Variants in RTL4 observed in about 807,000 individuals in gnomAD.
The protein encoded by RTL4 is retrotransposon Gag like 4, also known as retrotransposon Gag-like protein 4.
RTL4 carries 4 observed loss-of-function variants against 5.3 expected under a neutral mutation model. The ratio of observed to expected loss-of-function variants is 0.75; its 90% confidence interval spans 0.37 to 1.72. RTL4 has a LOEUF of 1.72. RTL4 is among the 40% of genes most tolerant of loss of function. RTL4 has a pLI of 0.04. For missense variants in RTL4, 260 were observed against 227.1 expected (o/e 1.14, Z -0.93); for synonymous variants, 98 against 87.3 (o/e 1.12, Z -0.68).
At chrX:112,263,024 AG>A in the RTL4 span, among the ~76,000 whole-genome samples, 1 of 81,788 alleles carries the variant, frequency 1.2e-5, no homozygotes, top group African/African-American at 4.8e-5. Context: ...GGACACAGGA[AG>A]TGGAACATCA....
chrX:112,359,967 T>C, the RTL4 span, among the ~76,000 whole-genome samples: 1 of 111,630 alleles, frequency 9.0e-6, no homozygotes, highest in African/African-American at 3.2e-5. Context: ...GCCCAGAGGA[T>C]CTTACATACA....
the RTL4 span, among the ~76,000 whole-genome samples, chrX:112,105,512 A>G: frequency 9.0e-6 from 1 of 111,437 alleles, no homozygotes; most frequent in Non-Finnish European, 1.9e-5. Context: ...AATTCTTCCA[A>G]TGCATGATTG....
chrX:112,122,781 C>A, the RTL4 span, among the ~76,000 whole-genome samples: 380 of 110,863 alleles, frequency 3.4e-3, no homozygotes, highest in Non-Finnish European at 5.8e-3. Context: ...TTAGATTATA[C>A]CTGAGAAAAT....
At chrX:112,380,897 TGGGGTCCCGAGGGCA>T in the RTL4 span, among the ~76,000 whole-genome samples, 16 of 111,467 alleles carry the variant, frequency 1.4e-4, no homozygotes, top group Non-Finnish European at 2.5e-4. Flanking sequence ...CCAGAAGAGA[TGGGGTCCCGAGGGCA>T]GGGCTCACAC....
At chrX:112,427,858 G>T in the RTL4 span, among the ~76,000 whole-genome samples, 1 of 110,085 alleles carries the variant, frequency 9.1e-6, no homozygotes, top group African/African-American at 3.3e-5. Flanking sequence ...CTGGGATTTT[G>T]GTGTACCTAT....
At chrX:112,153,829 T>C in the RTL4 span, among the ~76,000 whole-genome samples, 4 of 110,551 alleles carry the variant, frequency 3.6e-5, no homozygotes, top group African/African-American at 1.3e-4. Context: ...GAGTTTATCC[T>C]ACCTGTAGTT....
At chrX:112,261,515 G>T in the RTL4 span, among the ~76,000 whole-genome samples, 1 of 111,345 alleles carries the variant, frequency 9.0e-6, no homozygotes. Flanking sequence ...AAGGAGAACT[G>T]CAGACCACTG....
At chrX:112,224,620 T>G in the RTL4 span, among the ~76,000 whole-genome samples, 15 of 111,373 alleles carry the variant, frequency 1.3e-4, no homozygotes, top group Non-Finnish European at 2.6e-4. Flanking sequence ...ATTATAGGCG[T>G]GAGGCACCAG....
At chrX:112,174,291 C>T in the RTL4 span, among the ~76,000 whole-genome samples, 1 of 89,341 alleles carries the variant, frequency 1.1e-5, no homozygotes, top group Non-Finnish European at 2.1e-5. Context: ...TCCATGTGTT[C>T]TCATTGTTCA....
chrX:112,442,287 A>C, the RTL4 span, among the ~76,000 whole-genome samples: 52,668 of 104,704 alleles, frequency 0.5, 10,800 homozygotes, highest in African/African-American at 0.72. Flanking sequence ...GTTGTCTAGG[A>C]TGGAGTGCAG....
At chrX:112,358,100 T>C in the RTL4 span, among the ~76,000 whole-genome samples, 1 of 111,045 alleles carries the variant, frequency 9.0e-6, no homozygotes, top group Non-Finnish European at 1.9e-5. Flanking sequence ...TCTTTCTTTC[T>C]TTTTTACTTA....
chrX:112,394,961 T>C, the RTL4 span, among the ~76,000 whole-genome samples: 1 of 112,234 alleles, frequency 8.9e-6, no homozygotes, highest in Non-Finnish European at 1.9e-5. Flanking sequence ...ATTTTTTGGT[T>C]TCTTTTTAAG....
the RTL4 span, among the ~76,000 whole-genome samples, chrX:112,373,698 A>G: frequency 4.6e-5 from 5 of 109,095 alleles, no homozygotes; most frequent in Non-Finnish European, 9.5e-5. Flanking sequence ...ATATATATAT[A>G]TATGTATATA....
the RTL4 span, among the ~76,000 whole-genome samples, chrX:112,378,050 G>C: frequency 9.0e-6 from 1 of 111,470 alleles, no homozygotes; most frequent in Non-Finnish European, 1.9e-5. Context: ...CCTAAATGCA[G>C]ATGCGGTACA....
the RTL4 span, among the ~76,000 whole-genome samples, chrX:112,361,913 ATTCT>A: frequency 1.8e-5 from 2 of 111,376 alleles, no homozygotes; most frequent in Admixed American, 9.6e-5. Context: ...AATTGACTAA[ATTCT>A]TTCTTTGTTT....
chrX:112,410,318 C>T, the RTL4 span, among the ~76,000 whole-genome samples: 1 of 111,608 alleles, frequency 9.0e-6, no homozygotes, highest in Non-Finnish European at 1.9e-5. Context: ...CAGTATTGGA[C>T]AGCTTATCCA....
At chrX:112,192,973 G>A in the RTL4 span, among the ~76,000 whole-genome samples, 1 of 111,076 alleles carries the variant, frequency 9.0e-6, no homozygotes, top group South Asian at 3.8e-4. Flanking sequence ...TTGTTTATGT[G>A]GGGATATTTT....
the RTL4 span, among the ~76,000 whole-genome samples, chrX:112,291,141 G>T: frequency 9.1e-6 from 1 of 110,386 alleles, no homozygotes; most frequent in Non-Finnish European, 1.9e-5. Flanking sequence ...GTAGAAAAGG[G>T]CCCTAAGTAG....
the RTL4 span, among the ~76,000 whole-genome samples, chrX:112,408,351 A>G: frequency 9.1e-6 from 1 of 110,226 alleles, no homozygotes; most frequent in Middle Eastern, 4.7e-3. Context: ...AGTTGAAAAA[A>G]TGCAATTGAC....
Sources: allele counts gnomAD v4.1 joint callset (sites outside exome capture counted in the v4.1 genomes callset), GRCh38; gene constraint gnomAD v4.1.1; transcripts MANE v1.5; gene names NCBI Gene and HGNC (gene_info 2026-07-23, HGNC 2026-07-21).